The following USP54 variants were observed in gnomAD, a reference collection of about 807,000 sequenced individuals.
USP54 encodes the protein ubiquitin specific peptidase 54, also known as ubiquitin carboxyl-terminal hydrolase 54.
Under a neutral mutation model 170.5 loss-of-function variants are expected in USP54, and 87 were observed. The ratio of observed to expected loss-of-function variants is 0.51; its 90% CI spans 0.43 to 0.61. USP54 has a LOEUF of 0.61. Among genes scored for constraint, USP54 ranks in the 20% least tolerant of loss-of-function variants. The probability of loss-of-function intolerance (pLI) is 0.00; values close to 1 mark genes in which losing one functional copy is unlikely to be tolerated. For synonymous variants in USP54, 655 were observed against 742.8 expected (o/e 0.88, Z 1.92); for missense variants, 1,786 against 2,047.8 (o/e 0.87, Z 2.47).
At chr10:73,500,870 G>T (rs762381005) in intron 22 of USP54, 32 bp from the exon 23 acceptor site, 1 of 1,582,732 alleles carries the variant, frequency 6.3e-7, no homozygotes, top group South Asian at 1.2e-5. Flanking sequence ...AAAACATAGA[G>T]ATGAGGATTA....
intron 12 of USP54, among the ~76,000 whole-genome samples, chr10:73,531,118 C>A (rs2063884426): frequency 6.6e-6 from 1 of 151,892 alleles, no homozygotes; most frequent in African/African-American, 2.4e-5. Flanking sequence ...ACCAACATGG[C>A]AAAACCCTGT....
At chr10:73,571,700 C>G (rs972992984) in intron 3 of USP54, among the ~76,000 whole-genome samples, 187 bp from the exon 4 acceptor site, 5 of 152,020 alleles carry the variant, frequency 3.3e-5, no homozygotes, top group African/African-American at 1.2e-4. Context: ...AATAAATGGT[C>G]ATATTCTGGG....
At chr10:73,508,431 A>G (rs906454198) in intron 20 of USP54, among the ~76,000 whole-genome samples, 5 of 151,798 alleles carry the variant, frequency 3.3e-5, no homozygotes, top group African/African-American at 1.2e-4. Flanking sequence ...GAATTTAAGC[A>G]GAGGTAGAGG....
At chr10:73,536,532 A>T (rs767567738) in intron 10 of USP54, 95 bp from the exon 11 acceptor site, 4 of 1,339,666 alleles carry the variant, frequency 3.0e-6, no homozygotes, top group Non-Finnish European at 2.9e-6. Flanking sequence ...AGAAAATAAA[A>T]GAGATGAAAA....
chr10:73,526,705 G>A lies in USP54; in HGVS notation c.2136C>T (p.Ile712=). ...TGGATGCTGTGGAGTCTACCTCCAG[G>A]ATGCTACTGCTGTGCGACTTTGGGA... The part of the protein sequence containing the change: ...RHIPKSHSSS[I]LEVDSTASMG... The change falls in exon 16 of 24, where the codon ATC becomes ATT. Residue 712 remains isoleucine (I), a synonymous_variant. Transcript: ENST00000687698. 2 of 1,614,168 alleles carry A rather than the reference G, an allele frequency of 1.2e-6. No individual in the cohort carries two copies. Among genetic ancestry groups the A allele is most frequent in the Non-Finnish European group, 8.5e-7 (1 of 1,180,014 alleles).
chr10:73,561,104 C>CAAAA (rs919887025), intron 4 of USP54, among the ~76,000 whole-genome samples: 18 of 30,456 alleles, frequency 5.9e-4, no homozygotes, highest in Non-Finnish European at 1.1e-3. Flanking sequence ...GACTCCATCT[C>CAAAA]AAAAAAAAAA....
At chr10:73,569,973 T>G (rs976624789) in intron 4 of USP54, among the ~76,000 whole-genome samples, 1 of 132,668 alleles carries the variant, frequency 7.5e-6, no homozygotes, top group African/African-American at 2.7e-5. Flanking sequence ...CAAAAAAAAT[T>G]TTGAGTCAGT....
upstream of USP54, among the ~76,000 whole-genome samples, chr10:73,596,222 G>A (rs1249267747): frequency 6.6e-6 from 1 of 151,798 alleles, no homozygotes; most frequent in East Asian, 1.9e-4. Flanking sequence ...AGGAGTTCAA[G>A]ACCAGCCTGA....
intron 16 of USP54, among the ~76,000 whole-genome samples, chr10:73,526,341 A>G (rs945838953): frequency 6.6e-6 from 1 of 151,954 alleles, no homozygotes; most frequent in African/African-American, 2.4e-5. Flanking sequence ...TCCGCCTCCC[A>G]GGTTCAAGCA....
intron 4 of USP54, among the ~76,000 whole-genome samples, chr10:73,560,773 A>G (rs1025030636): frequency 2.0e-5 from 3 of 151,730 alleles, no homozygotes; most frequent in African/African-American, 7.3e-5. Flanking sequence ...AGGAAGAAAA[A>G]TGGAAGGCAA....
intron 4 of USP54, among the ~76,000 whole-genome samples, chr10:73,560,392 C>T (rs1408323656): frequency 6.6e-6 from 1 of 151,158 alleles, no homozygotes; most frequent in Non-Finnish European, 1.5e-5. Flanking sequence ...TGGTGGCTCA[C>T]GCCTGTAATC....
chr10:73,534,881 A>G (rs912561980), intron 11 of USP54, 111 bp from the exon 12 acceptor site: 1 of 1,003,082 alleles, frequency 1.0e-6, no homozygotes, highest in East Asian at 2.5e-5. Context: ...CTTCCTAGAC[A>G]CAAGTGTGAG....
chr10:73,503,836 G>A (rs1239822111), intron 22 of USP54, among the ~76,000 whole-genome samples: 2 of 152,110 alleles, frequency 1.3e-5, no homozygotes, highest in Non-Finnish European at 2.9e-5. Context: ...GGATTCAAGC[G>A]ATTCTCCTGC....
chr10:73,500,645 G>T lies in USP54; in HGVS notation c.4495+10C>A, dbSNP rs1439056117. On this transcript the variant is annotated intron_variant, in intron 23 of 23. Coordinates refer to ENST00000687698, the MANE Select transcript of USP54 (RefSeq NM_001391956.1). ...ATTCTGGCATATAATATTAGATTTG[G>T]GGGAGTTACCTGGGAGTCTATTGGG... 6.3e-7 allele frequency: 1 copy of T among 1,585,078 alleles called. No homozygotes were observed. The highest frequency in any genetic ancestry group is 8.6e-7 in the Non-Finnish European group (1 of 1,168,150).
rs973652296 is a variant in USP54 at position 73,562,375 on chromosome 10, T to C, written c.240+9046A>G. 2.6e-5 allele frequency among the ~76,000 whole-genome samples: 4 copies of C among 152,198 alleles called. No individual in the cohort carries two copies. In the East Asian group the frequency reaches 7.7e-4, roughly 29 times the overall value. ...ACGAGTTTAAACCTCTCCAACTGATTACATACTTACATGAAATCTACCCTC... is the reference window on the plus strand; with the variant it reads ...ACGAGTTTAAACCTCTCCAACTGATCACATACTTACATGAAATCTACCCTC... On this transcript the variant is annotated intron_variant, in intron 4 of 23. Coordinates refer to ENST00000687698, the MANE Select transcript of USP54 (RefSeq NM_001391956.1).
rs376264786 is a variant in USP54, at chr10:73,571,546, A to G, written c.148-33T>C. ...GAAAAGGAAAATATTTCATTACTCT[A>G]TAAAAAGCTACCATTTAATTTTAAA... On this transcript the variant is annotated intron_variant, in intron 3 of 23. Coordinates refer to ENST00000687698, the MANE Select transcript of USP54 (RefSeq NM_001391956.1). The G allele has an allele frequency of 2.6e-6, 4 of 1,538,916 alleles. No homozygotes were observed. The African/African-American group carries it at 4.1e-5, about 16-fold the overall frequency.
intron 1 of USP54, among the ~76,000 whole-genome samples, chr10:73,619,989 G>C (rs1298586697): frequency 1.3e-5 from 2 of 150,502 alleles, no homozygotes; most frequent in Non-Finnish European, 2.9e-5. Context: ...GGACATTGCA[G>C]CTGTGTGACT....
chr10:73,596,739 A>AAAG, intron 1 of USP54, among the ~76,000 whole-genome samples: 1 of 151,796 alleles, frequency 6.6e-6, no homozygotes, highest in African/African-American at 2.4e-5. Context: ...AAAAAAAAAA[A>AAAG]AAGGAATAAA....
chr10:73,501,748 CTAACTT>C (rs1461996950), intron 22 of USP54, among the ~76,000 whole-genome samples: 4 of 152,176 alleles, frequency 2.6e-5, no homozygotes, highest in African/African-American at 7.2e-5. Flanking sequence ...CTTTTACACT[CTAACTT>C]TAATATTCCT....
Sources: allele counts gnomAD v4.1 joint callset (sites outside exome capture counted in the v4.1 genomes callset), GRCh38; gene constraint gnomAD v4.1.1; transcripts MANE v1.5; gene names NCBI Gene and HGNC (gene_info 2026-07-23, HGNC 2026-07-21).